PTH2R: variants seen among roughly 807,000 people sequenced by gnomAD.
PTH2R encodes the protein PTH2 receptor.
PTH2R carries 59 observed loss-of-function variants against 60.3 expected under a neutral mutation model. The ratio of observed to expected loss-of-function variants is 0.98; its 90% confidence interval spans 0.79 to 1.22. The LOEUF is 1.22. Among genes scored for constraint, PTH2R ranks in the 50% most tolerant of loss-of-function variants. The pLI is 0.00. For missense variants in PTH2R, 749 were observed against 682.6 expected, an observed-to-expected ratio of 1.10 and a Z score of -1.08; for synonymous variants, 256 against 243.8, an observed-to-expected ratio of 1.05 and a Z score of -0.47.
At chr2:208,490,731 A>G (rs1284291167) in intron 12 of PTH2R, 51 bp downstream of exon 12, 2 of 1,509,118 alleles carry the variant, frequency 1.3e-6, no homozygotes, top group Admixed American at 4.1e-5. Context: ...GTAAATGGCC[A>G]TCACAATGTA....
intron 1 of PTH2R, among the ~76,000 whole-genome samples, chr2:208,417,541 C>CTTT (rs56354728): frequency 1.6e-4 from 14 of 87,878 alleles, no homozygotes; most frequent in Non-Finnish European, 2.4e-4. Flanking sequence ...AGGTGGGAAT[C>CTTT]TTTTTTTTTT....
chr2:208,395,231 T>C (rs1701186146), intron 1 of PTH2R, among the ~76,000 whole-genome samples: 1 of 151,954 alleles, frequency 6.6e-6, no homozygotes, highest in African/African-American at 2.4e-5. Flanking sequence ...GTATTTTTAG[T>C]AGAGACGGGG....
intron 1 of PTH2R, among the ~76,000 whole-genome samples, chr2:208,408,742 G>GAGAGAGAA (rs1559211131): frequency 7.3e-6 from 1 of 137,928 alleles, no homozygotes; most frequent in Admixed American, 7.7e-5. Flanking sequence ...GAGAGAGAAA[G>GAGAGAGAA]AGAGAGAGAG....
intron 1 of PTH2R, among the ~76,000 whole-genome samples, chr2:208,393,004 T>TC (rs1701136699): frequency 6.6e-6 from 1 of 152,202 alleles, no homozygotes; most frequent in African/African-American, 2.4e-5. Flanking sequence ...GTCTGGGCAT[T>TC]CCTTCTTAAA....
chr2:208,453,216 A>G (rs995081086), intron 8 of PTH2R, among the ~76,000 whole-genome samples: 29 of 152,082 alleles, frequency 1.9e-4, no homozygotes, highest in African/African-American at 5.8e-4. Flanking sequence ...CTTTTCAACA[A>G]TTCCCATTTT....
At chr2:208,416,589 G>A (rs886089736) in intron 1 of PTH2R, among the ~76,000 whole-genome samples, 1 of 152,180 alleles carries the variant, frequency 6.6e-6, no homozygotes, top group Non-Finnish European at 1.5e-5. Context: ...TGTATGTGAT[G>A]GTTAATACTG....
At chr2:208,455,874 C>T (rs1327605870) in intron 8 of PTH2R, among the ~76,000 whole-genome samples, 1 of 152,134 alleles carries the variant, frequency 6.6e-6, no homozygotes, top group Non-Finnish European at 1.5e-5. Context: ...GCATGTCAGA[C>T]CCAGTTTTAA....
chr2:208,465,107 C>G (rs1201897946), intron 9 of PTH2R, among the ~76,000 whole-genome samples: 2 of 152,018 alleles, frequency 1.3e-5, no homozygotes, highest in Non-Finnish European at 2.9e-5. Context: ...TCCTGAGTAA[C>G]TAGGACTATA....
chr2:208,385,343 A>G (rs1033557715), intron 1 of PTH2R, among the ~76,000 whole-genome samples: 1 of 152,240 alleles, frequency 6.6e-6, no homozygotes, highest in Non-Finnish European at 1.5e-5. Context: ...ATTCAAAGAA[A>G]TGCAAATTAG....
intron 9 of PTH2R, among the ~76,000 whole-genome samples, chr2:208,477,429 T>A (rs1030347091): frequency 6.6e-6 from 1 of 152,160 alleles, no homozygotes; most frequent in African/African-American, 2.4e-5. Context: ...TTTGTTTTAG[T>A]TCATCTGTGG....
intron 9 of PTH2R, 21 bp downstream of exon 9, chr2:208,459,982 A>G: frequency 1.9e-6 from 3 of 1,603,170 alleles, no homozygotes; most frequent in Non-Finnish European, 2.6e-6. Context: ...AAGTTTGTAT[A>G]GTTAAAAAAG....
At chr2:208,436,869 A>G (rs1351376207) in intron 2 of PTH2R, among the ~76,000 whole-genome samples, 2 of 152,158 alleles carry the variant, frequency 1.3e-5, no homozygotes, top group Non-Finnish European at 2.9e-5. Context: ...GGTTCATCCA[A>G]TGCCACCCAG....
At chr2:208,379,173 G>T (rs1322642487) in intron 1 of PTH2R, among the ~76,000 whole-genome samples, 1 of 152,158 alleles carries the variant, frequency 6.6e-6, no homozygotes, top group Non-Finnish European at 1.5e-5. Flanking sequence ...ATTTGGCTGG[G>T]ACTTAATAAT....
intron 1 of PTH2R, among the ~76,000 whole-genome samples, chr2:208,395,628 G>C (rs1187980814): frequency 2.6e-5 from 4 of 152,136 alleles, no homozygotes; most frequent in Non-Finnish European, 5.9e-5. Context: ...ATGAGACCGA[G>C]GATAGAAAAG....
intron 8 of PTH2R, among the ~76,000 whole-genome samples, chr2:208,459,095 T>C (rs1422727339): frequency 2.6e-5 from 4 of 152,152 alleles, no homozygotes; most frequent in African/African-American, 4.8e-5. Context: ...TTCCCTTTTC[T>C]CTCTAACCTC....
At chr2:208,363,632 C>T (rs1454631571) in intron 1 of PTH2R, among the ~76,000 whole-genome samples, 1 of 152,178 alleles carries the variant, frequency 6.6e-6, no homozygotes, top group Non-Finnish European at 1.5e-5. Flanking sequence ...ACATTCCCAC[C>T]AGCAGTGTCC....
chr2:208,492,912 G>T (rs1703437924), intron 12 of PTH2R, among the ~76,000 whole-genome samples: 1 of 152,106 alleles, frequency 6.6e-6, no homozygotes, highest in African/African-American at 2.4e-5. Context: ...GAGTTCTGAA[G>T]TTCTCACTGG....
intron 9 of PTH2R, among the ~76,000 whole-genome samples, chr2:208,475,037 C>T (rs1280966607): frequency 1.3e-5 from 2 of 152,140 alleles, no homozygotes; most frequent in Non-Finnish European, 2.9e-5. Flanking sequence ...GGGCAGCAAG[C>T]GTGATGGCAA....
At chr2:208,369,969 G>T (rs28386802) in intron 1 of PTH2R, among the ~76,000 whole-genome samples, 73,399 of 151,790 alleles carry the variant, frequency 0.48, 18,854 homozygotes, top group Admixed American at 0.57. Flanking sequence ...AGCATCTGGT[G>T]CCACTATACA....
Sources: allele counts gnomAD v4.1 joint callset (sites outside exome capture counted in the v4.1 genomes callset), GRCh38; gene constraint gnomAD v4.1.1; transcripts MANE v1.5; gene names NCBI Gene and HGNC (gene_info 2026-07-23, HGNC 2026-07-21).